DGKI: variants seen among roughly 807,000 people sequenced by gnomAD.
DGKI encodes the protein diacylglycerol kinase iota, also known as DAG kinase iota.
In DGKI, 55 loss-of-function variants were observed where a neutral mutation model predicts 147.5. The ratio of observed to expected loss-of-function variants is 0.37; its 90% CI spans 0.30 to 0.47. DGKI has a LOEUF of 0.47. Among genes scored for constraint, DGKI ranks in the 20% least tolerant of loss-of-function variants. DGKI has a pLI of 1.00. For missense variants in DGKI, 1,007 were observed against 1,323.8 expected (o/e 0.76, Z 3.71); for synonymous variants, 469 against 477.1 (o/e 0.98, Z 0.22).
intron 30 of DGKI, 75 bp downstream of exon 30, chr7:137,407,800 G>T: frequency 6.4e-7 from 1 of 1,570,154 alleles, no homozygotes; most frequent in East Asian, 2.3e-5. Context: ...CTGGATGAAG[G>T]GTAACTTAGA....
rs1299903505 is a variant in DGKI, at chr7:137,435,469, T to C, written c.2761+8608A>G. 3.9e-5 allele frequency among the ~76,000 whole-genome samples: 6 copies of C among 152,088 alleles called. No homozygotes were observed. In the East Asian group the frequency reaches 1.2e-3, roughly 30 times the overall value. On this transcript the variant is annotated intron_variant, in intron 28 of 32. Coordinates refer to ENST00000614521, the MANE Select transcript of DGKI (RefSeq NM_001321708.2). ...AGATGGTAGGAGGTGACAGAAAGCTTATGGCTAAATAAAGACAAGAAAGGC... is the reference window on the plus strand; with the variant it reads ...AGATGGTAGGAGGTGACAGAAAGCTCATGGCTAAATAAAGACAAGAAAGGC...
intron 1 of DGKI, among the ~76,000 whole-genome samples, chr7:137,820,990 C>T (rs773996979): frequency 1.3e-5 from 2 of 152,204 alleles, no homozygotes; most frequent in Admixed American, 6.5e-5. Context: ...CAGCTCCTCC[C>T]CAGCTGCTGC....
At chr7:137,505,957 C>T (rs1585180216) in intron 21 of DGKI, among the ~76,000 whole-genome samples, 1 of 152,066 alleles carries the variant, frequency 6.6e-6, no homozygotes, top group South Asian at 2.1e-4. Context: ...ACCACCACCA[C>T]CAAATGCTGG....
intron 1 of DGKI, among the ~76,000 whole-genome samples, chr7:137,804,377 G>A (rs1797301349): frequency 6.6e-6 from 1 of 152,186 alleles, no homozygotes; most frequent in Non-Finnish European, 1.5e-5. Context: ...AGTTTTCTCT[G>A]CTTCAATAAG....
Position 137,691,798 on chromosome 7 carries a change from G to GTTTTTTTT in DGKI, c.402-1804_402-1797dup, listed in dbSNP as rs796902464. 3.4e-4 allele frequency among the ~76,000 whole-genome samples: 33 copies of GTTTTTTTT among 95,816 alleles called. 2 individuals carry two copies. Among genetic ancestry groups the GTTTTTTTT allele is most frequent in the Non-Finnish European group, 5.4e-4 (27 of 50,130 alleles). The allele number at this position is 95,816 out of a possible 152,430, so 62.9% of individuals were successfully genotyped here. The stretch of plus-strand genomic sequence containing the variant: ...GCTCAGCAAGTGTCTAGACCTTTGG[G>GTTTTTTTT]TTTTTTTTTTTTTTTTTTTTTTTAA... On this transcript the variant is annotated intron_variant, in intron 1 of 32. Coordinates refer to ENST00000614521, the MANE Select transcript of DGKI (RefSeq NM_001321708.2).
intron 1 of DGKI, among the ~76,000 whole-genome samples, chr7:137,780,552 G>C (rs756109217): frequency 6.6e-6 from 1 of 152,130 alleles, no homozygotes; most frequent in South Asian, 2.1e-4. Flanking sequence ...AAGAAAGCGT[G>C]GTTTCACTTT....
chr7:137,537,780 C>T (rs1160723299), intron 20 of DGKI, among the ~76,000 whole-genome samples: 1 of 152,162 alleles, frequency 6.6e-6, no homozygotes, highest in Non-Finnish European at 1.5e-5. Flanking sequence ...TGAGGCAAAC[C>T]ATATCTGATG....
At chr7:137,569,585 C>T (rs547793411) in intron 19 of DGKI, among the ~76,000 whole-genome samples, 15 of 151,154 alleles carry the variant, frequency 9.9e-5, no homozygotes, top group South Asian at 2.1e-4. Flanking sequence ...AAAAATTAGC[C>T]GGGCGTGGTG....
chr7:137,437,206 A>C (rs974507519), intron 28 of DGKI, among the ~76,000 whole-genome samples: 4 of 152,220 alleles, frequency 2.6e-5, no homozygotes, highest in Non-Finnish European at 4.4e-5. Flanking sequence ...GGAAAGGACG[A>C]AACAAAATTC....
chr7:137,575,976 T>C (rs1426739038), intron 17 of DGKI, among the ~76,000 whole-genome samples: 1 of 152,048 alleles, frequency 6.6e-6, no homozygotes, highest in African/African-American at 2.4e-5. Context: ...AGATCATATA[T>C]TTTTCTCTAT....
rs150582218 is a variant in DGKI, at chr7:137,384,015, G to A, written c.*7205C>T. The A allele has an allele frequency of 3.3e-5, 5 of 152,074 alleles. No homozygotes were observed. The highest frequency in any genetic ancestry group is 5.9e-5 in the Non-Finnish European group (4 of 67,960). 9.4% of individuals were successfully genotyped at this position (152,074 alleles called of 1,614,324 possible). A position where few individuals can be genotyped will look rare whatever the true frequency, so the allele number is the denominator to read the frequency against. On this transcript the variant is annotated 3_prime_UTR_variant, in exon 33 of 33. Coordinates refer to ENST00000614521, the MANE Select transcript of DGKI (RefSeq NM_001321708.2). Reference sequence around the variant, plus strand: ...TCCCATAGGTGTATTAAACCTCTATGTATATGACTATGTATTATCATAACA... The same window carrying A: ...TCCCATAGGTGTATTAAACCTCTATATATATGACTATGTATTATCATAACA...
chr7:137,802,403 T>C (rs564358988), intron 1 of DGKI, among the ~76,000 whole-genome samples: 9 of 152,332 alleles, frequency 5.9e-5, no homozygotes, highest in South Asian at 4.1e-4. Context: ...TTAATATCTT[T>C]CTGGGAATTA....
rs575581801 is a variant in DGKI at position 137,390,018 on chromosome 7, C to T, written c.*1202G>A. The T allele has an allele frequency of 6.6e-6, 1 of 152,254 alleles. No individual in the cohort carries two copies. Among genetic ancestry groups the T allele is most frequent in the African/African-American group, 2.4e-5 (1 of 41,532 alleles). The allele number at this position is 152,254 out of a possible 1,614,324, so 9.4% of individuals were successfully genotyped here. The stretch of plus-strand genomic sequence containing the variant: ...GCCTTTGTTCTTGGGTCAAGGATTA[C>T]TTGGAGTAATGAAAACCAAAAACCT... On this transcript the variant is annotated 3_prime_UTR_variant, in exon 33 of 33. Coordinates refer to ENST00000614521, the MANE Select transcript of DGKI (RefSeq NM_001321708.2).
chr7:137,582,444 A>G (rs1819236378), intron 14 of DGKI, among the ~76,000 whole-genome samples: 1 of 151,590 alleles, frequency 6.6e-6, no homozygotes, highest in Non-Finnish European at 1.5e-5. Context: ...CTATATATAT[A>G]TATATATACA....
intron 1 of DGKI, among the ~76,000 whole-genome samples, chr7:137,783,969 T>G (rs2077788867): frequency 6.6e-6 from 1 of 152,230 alleles, no homozygotes; most frequent in Non-Finnish European, 1.5e-5. Flanking sequence ...CAAGAACTGC[T>G]AAAAGAAGCT....
intron 1 of DGKI, among the ~76,000 whole-genome samples, chr7:137,828,600 C>T (rs1270877037): frequency 2.6e-5 from 4 of 152,320 alleles, no homozygotes; most frequent in Middle Eastern, 6.8e-3. Context: ...TTATCTCACT[C>T]CCTTCAGCAG....
In DGKI at chr7:137,438,322, A is replaced by G. The variant is rs961476833; in HGVS notation, c.2761+5755T>C. Among the ~76,000 whole-genome samples the G allele has an allele frequency of 3.3e-5, 5 of 151,968 alleles. No individual in the cohort carries two copies. In the East Asian group the frequency reaches 9.6e-4, roughly 29 times the overall value. ...ACACAAATGGCCCATAAGTATATGA[A>G]AAGATGTTTGATCTCATGTGTAATC... On this transcript the variant is annotated intron_variant, in intron 28 of 32. Coordinates refer to ENST00000614521, the MANE Select transcript of DGKI (RefSeq NM_001321708.2).
chr7:137,522,896 G>T (rs78612597), intron 20 of DGKI, among the ~76,000 whole-genome samples: 4,866 of 151,998 alleles, frequency 0.032, 218 homozygotes, highest in East Asian at 0.11. Context: ...GATTTCATTG[G>T]TTGAGAGAAT....
chr7:137,726,767 T>G (rs1794730381), intron 1 of DGKI, among the ~76,000 whole-genome samples: 1 of 152,168 alleles, frequency 6.6e-6, no homozygotes, highest in Non-Finnish European at 1.5e-5. Context: ...GTTCAAAGAT[T>G]TTTAGCTATA....
Sources: gnomAD v4.1 joint callset for allele counts (sites outside exome capture counted in the v4.1 genomes callset) on GRCh38, gnomAD v4.1.1 for gene constraint, MANE v1.5 for transcripts, NCBI Gene and HGNC (gene_info 2026-07-23, HGNC 2026-07-21) for gene names.